Variants in GPHN observed in about 807,000 individuals in gnomAD.
The protein encoded by GPHN is gephyrin.
In GPHN, 17 loss-of-function variants were observed where a neutral mutation model predicts 95.5. The ratio of observed to expected loss-of-function variants is 0.18; its 90% CI spans 0.12 to 0.27. The LOEUF is 0.27. GPHN is among the 10% of genes least tolerant of loss of function. GPHN has a pLI of 1.00. For synonymous variants in GPHN, 320 were observed against 322.5 expected (o/e 0.99, Z 0.08); for missense variants, 660 against 978.1 (o/e 0.67, Z 4.34).
the GPHN span, among the ~76,000 whole-genome samples, chr14:67,547,519 A>G: frequency 6.6e-6 from 1 of 152,126 alleles, no homozygotes. Flanking sequence ...CACTGGGAGG[A>G]GCCATGTCAG....
At chr14:67,076,513 T>C (rs753706063) in intron 11 of GPHN, among the ~76,000 whole-genome samples, 1 of 152,196 alleles carries the variant, frequency 6.6e-6, no homozygotes, top group Non-Finnish European at 1.5e-5. Flanking sequence ...CCTTTCATAG[T>C]AACCCTCTTA....
chr14:67,272,046 G>A, the GPHN span: 2 of 146,138 alleles, frequency 1.4e-5, no homozygotes, highest in Non-Finnish European at 3.0e-5. Context: ...ACTCAAACTG[G>A]ACGACAGAGT....
intron 4 of GPHN, among the ~76,000 whole-genome samples, chr14:66,854,352 C>T (rs563060698): frequency 6.6e-6 from 1 of 152,022 alleles, no homozygotes; most frequent in Non-Finnish European, 1.5e-5. Context: ...TCTTTTTTGT[C>T]TAAGCTATTA....
chr14:67,282,310 A>G, the GPHN span, among the ~76,000 whole-genome samples: 1 of 152,124 alleles, frequency 6.6e-6, no homozygotes, highest in African/African-American at 2.4e-5. Flanking sequence ...ATATGACAGG[A>G]GACAACTTCT....
chr14:66,602,931 C>T (rs8008596), intron 1 of GPHN, among the ~76,000 whole-genome samples: 47,677 of 151,662 alleles, frequency 0.31, 11,507 homozygotes, highest in African/African-American at 0.65. Context: ...ATATTATCAA[C>T]ATTTGCTCTT....
chr14:67,147,058 A>G (rs2080940377), intron 18 of GPHN, among the ~76,000 whole-genome samples: 1 of 152,126 alleles, frequency 6.6e-6, no homozygotes, highest in Non-Finnish European at 1.5e-5. Flanking sequence ...AACAAAAAAA[A>G]CTAATCAATA....
chr14:67,390,672 G>A, the GPHN span: 2 of 1,610,526 alleles, frequency 1.2e-6, no homozygotes, highest in Non-Finnish European at 8.5e-7. Flanking sequence ...CTTTGGAAGG[G>A]TCATAGTAAT....
the GPHN span, among the ~76,000 whole-genome samples, chr14:67,463,849 G>C: frequency 4.6e-5 from 7 of 152,140 alleles, no homozygotes; most frequent in Admixed American, 4.6e-4. Context: ...CATATAGACA[G>C]TAAGCGGTAG....
intron 1 of GPHN, among the ~76,000 whole-genome samples, chr14:66,662,983 G>T (rs1044567728): frequency 6.6e-6 from 1 of 152,140 alleles, no homozygotes; most frequent in Non-Finnish European, 1.5e-5. Flanking sequence ...TATGTAAAGA[G>T]ACTGAATATA....
At chr14:67,111,213 T>C (rs1482524724) in intron 14 of GPHN, among the ~76,000 whole-genome samples, 2 of 152,220 alleles carry the variant, frequency 1.3e-5, no homozygotes, top group Non-Finnish European at 2.9e-5. Flanking sequence ...TCACATTGCC[T>C]GCTGTTAAAA....
chr14:66,610,365 C>T (rs2062728455), intron 1 of GPHN, among the ~76,000 whole-genome samples: 2 of 152,142 alleles, frequency 1.3e-5, no homozygotes, highest in South Asian at 4.1e-4. Flanking sequence ...CTAGCCCTCA[C>T]ATTCGGAAAC....
the GPHN span, among the ~76,000 whole-genome samples, chr14:67,273,117 CT>C: frequency 0.13 from 18,417 of 142,664 alleles, 1,885 homozygotes; most frequent in African/African-American, 0.29. Context: ...ATATTTCTTT[CT>C]TTTTTTTTTT....
chr14:67,626,393 T>C, the GPHN span, among the ~76,000 whole-genome samples: 1 of 152,354 alleles, frequency 6.6e-6, no homozygotes, highest in South Asian at 2.1e-4. Context: ...CTGGTGTGAA[T>C]GTAAAACTGC....
chr14:66,604,285 T>A (rs2062404027), intron 1 of GPHN, among the ~76,000 whole-genome samples: 1 of 152,154 alleles, frequency 6.6e-6, no homozygotes, highest in African/African-American at 2.4e-5. Flanking sequence ...TGCCATTTAA[T>A]GCTTTTGTTT....
chr14:66,879,835 A>G (rs2063846923), intron 4 of GPHN, 104 bp from the exon 5 acceptor site: 5 of 755,830 alleles, frequency 6.6e-6, no homozygotes, highest in African/African-American at 1.7e-5. Flanking sequence ...AAGTATGGTT[A>G]TTGAAAGCCT....
chr14:66,558,520 T>C (rs1205161874), intron 1 of GPHN, among the ~76,000 whole-genome samples: 1 of 152,148 alleles, frequency 6.6e-6, no homozygotes, highest in Admixed American at 6.6e-5. Flanking sequence ...TGTATATTTT[T>C]TTATGTCATA....
chr14:67,272,527 G>C, the GPHN span, among the ~76,000 whole-genome samples: 2 of 152,172 alleles, frequency 1.3e-5, no homozygotes, highest in Non-Finnish European at 2.9e-5. Flanking sequence ...TATAGTTGTA[G>C]TTGTTACTAC....
chr14:67,638,840 G>T, the GPHN span, among the ~76,000 whole-genome samples: 1,346 of 152,304 alleles, frequency 8.8e-3, 20 homozygotes, highest in African/African-American at 0.031. Flanking sequence ...CAACCAAAAT[G>T]CCCGTGCATA....
chr14:67,595,099 T>A, the GPHN span, among the ~76,000 whole-genome samples: 1 of 151,964 alleles, frequency 6.6e-6, no homozygotes, highest in Non-Finnish European at 1.5e-5. Context: ...ATCGCGCCAC[T>A]GCACTCCAGC....
Sources: gnomAD v4.1 joint callset for allele counts (sites outside exome capture counted in the v4.1 genomes callset) on GRCh38, gnomAD v4.1.1 for gene constraint, MANE v1.5 for transcripts, NCBI Gene and HGNC (gene_info 2026-07-23, HGNC 2026-07-21) for gene names.